Variants in KCTD8 observed in about 807,000 individuals in gnomAD.
The protein encoded by KCTD8 is BTB/POZ domain-containing protein KCTD8.
A neutral mutation model predicts 31.5 loss-of-function variants in KCTD8; 27 were observed. The ratio of observed to expected loss-of-function variants is 0.86; its 90% CI spans 0.63 to 1.18. The LOEUF (loss-of-function observed/expected upper bound fraction) is 1.18. Ranked by LOEUF, KCTD8 falls within the 50% of genes most tolerant of loss-of-function variation. The probability of loss-of-function intolerance (pLI) is 0.00; values close to 1 mark genes in which losing one functional copy is unlikely to be tolerated. For synonymous variants in KCTD8, 290 were observed against 280.0 expected (o/e 1.04, Z -0.36); for missense variants, 658 against 647.7 (o/e 1.02, Z -0.17).
chr4:44,436,378 A>C (rs776944431), intron 1 of KCTD8, among the ~76,000 whole-genome samples: 1 of 152,092 alleles, frequency 6.6e-6, no homozygotes, highest in Non-Finnish European at 1.5e-5. Flanking sequence ...ATGTAAAGAG[A>C]AACAGAGATG....
At chr4:44,258,009 C>T (rs1222013954) in intron 1 of KCTD8, among the ~76,000 whole-genome samples, 1 of 151,952 alleles carries the variant, frequency 6.6e-6, no homozygotes, top group African/African-American at 2.4e-5. Context: ...TTCCTTTCTA[C>T]ATTTTAGTTA....
intron 1 of KCTD8, among the ~76,000 whole-genome samples, chr4:44,355,730 T>C (rs1181971430): frequency 6.6e-6 from 1 of 152,130 alleles, no homozygotes; most frequent in African/African-American, 2.4e-5. Flanking sequence ...GTGAAAATTA[T>C]TTGGTCTCTA....
chr4:44,394,734 C>G (rs898830029), intron 1 of KCTD8, among the ~76,000 whole-genome samples: 4 of 152,010 alleles, frequency 2.6e-5, no homozygotes, highest in African/African-American at 9.7e-5. Flanking sequence ...CTAAACCAGA[C>G]CAAGATCTCA....
chr4:44,266,441 G>A (rs993703182), intron 1 of KCTD8, among the ~76,000 whole-genome samples: 38 of 152,150 alleles, frequency 2.5e-4, no homozygotes, highest in Admixed American at 4.6e-4. Context: ...GCAAAAACAT[G>A]CCAAAATGTA....
At chr4:44,375,869 C>A (rs1285162208) in intron 1 of KCTD8, among the ~76,000 whole-genome samples, 2 of 152,094 alleles carry the variant, frequency 1.3e-5, no homozygotes, top group South Asian at 2.1e-4. Flanking sequence ...TATACTTAAT[C>A]TCTTTCTCAC....
chr4:44,430,161 A>C (rs998775408), intron 1 of KCTD8, among the ~76,000 whole-genome samples: 3 of 151,836 alleles, frequency 2.0e-5, no homozygotes, highest in African/African-American at 7.2e-5. Context: ...ATGGATATTC[A>C]GTAGAAATAA....
At chr4:44,198,432 G>C (rs1423767765) in intron 1 of KCTD8, among the ~76,000 whole-genome samples, 1 of 152,108 alleles carries the variant, frequency 6.6e-6, no homozygotes, top group Admixed American at 6.5e-5. Flanking sequence ...CTTACAAAGG[G>C]AAACTCATGA....
At chr4:44,384,685 A>G (rs1382387131) in intron 1 of KCTD8, among the ~76,000 whole-genome samples, 1 of 151,800 alleles carries the variant, frequency 6.6e-6, no homozygotes, top group African/African-American at 2.4e-5. Context: ...AACTACAACT[A>G]GATAGGAGGA....
At chr4:44,298,302 A>G (rs1237332999) in intron 1 of KCTD8, among the ~76,000 whole-genome samples, 1 of 151,960 alleles carries the variant, frequency 6.6e-6, no homozygotes, top group Non-Finnish European at 1.5e-5. Context: ...TTGGGAGATG[A>G]TATGTTTCAG....
At chr4:44,369,201 AATTG>A (rs1719719527) in intron 1 of KCTD8, among the ~76,000 whole-genome samples, 1 of 152,206 alleles carries the variant, frequency 6.6e-6, no homozygotes, top group Admixed American at 6.5e-5. Context: ...AGTCTTCTGT[AATTG>A]ATTGGACAGA....
chr4:44,389,506 C>T (rs796324034), intron 1 of KCTD8, among the ~76,000 whole-genome samples: 6 of 151,692 alleles, frequency 4.0e-5, no homozygotes, highest in African/African-American at 1.2e-4. Context: ...CTGTATGATT[C>T]CATATGATTC....
intron 1 of KCTD8, among the ~76,000 whole-genome samples, chr4:44,287,520 A>C (rs1717129052): frequency 6.6e-6 from 1 of 152,210 alleles, no homozygotes; most frequent in South Asian, 2.1e-4. Context: ...AAATTTATCT[A>C]TCTCAAGGAC....
intron 1 of KCTD8, among the ~76,000 whole-genome samples, chr4:44,420,151 A>T (rs1721176940): frequency 6.6e-6 from 1 of 152,120 alleles, no homozygotes; most frequent in Non-Finnish European, 1.5e-5. Flanking sequence ...ATAAGAAAAA[A>T]AAAACAACTC....
chr4:44,281,838 C>G (rs530980957), intron 1 of KCTD8, among the ~76,000 whole-genome samples: 1 of 152,014 alleles, frequency 6.6e-6, no homozygotes, highest in Non-Finnish European at 1.5e-5. Context: ...AGGCCCTCAG[C>G]TTTTTGAGGC....
intron 1 of KCTD8, among the ~76,000 whole-genome samples, chr4:44,327,336 C>G (rs1718476740): frequency 6.6e-6 from 1 of 151,758 alleles, no homozygotes; most frequent in Admixed American, 6.6e-5. Context: ...TTTTTTACCC[C>G]CAGGTAAGTA....
intron 1 of KCTD8, among the ~76,000 whole-genome samples, chr4:44,270,815 A>G (rs538736974): frequency 5.9e-5 from 9 of 152,246 alleles, no homozygotes; most frequent in African/African-American, 2.2e-4. Flanking sequence ...AGATGATTAC[A>G]ATTTTCTCTT....
intron 1 of KCTD8, among the ~76,000 whole-genome samples, chr4:44,198,936 A>G (rs1335813726): frequency 1.2e-4 from 18 of 152,136 alleles, no homozygotes; most frequent in African/African-American, 4.3e-4. Context: ...GACGACTCTA[A>G]GTAAAGACAT....
intron 1 of KCTD8, among the ~76,000 whole-genome samples, chr4:44,191,996 AC>A (rs2109335156): frequency 6.6e-6 from 1 of 152,266 alleles, no homozygotes; most frequent in Non-Finnish European, 1.5e-5. Flanking sequence ...GGTGGGCATC[AC>A]GGATCTACCG....
intron 1 of KCTD8, among the ~76,000 whole-genome samples, chr4:44,309,681 A>C (rs1214222902): frequency 6.6e-6 from 1 of 152,136 alleles, no homozygotes; most frequent in Non-Finnish European, 1.5e-5. Context: ...AAAATTTAGA[A>C]TACATTAGAG....
Sources: allele counts gnomAD v4.1 joint callset (sites outside exome capture counted in the v4.1 genomes callset), GRCh38; gene constraint gnomAD v4.1.1; transcripts MANE v1.5; gene names NCBI Gene and HGNC (gene_info 2026-07-23, HGNC 2026-07-21).